NAA38: variants seen among roughly 807,000 people sequenced by gnomAD.
NAA38 encodes LSM domain containing 1.
A neutral mutation model predicts 12.6 loss-of-function variants in NAA38; 15 were observed. That is an observed-to-expected ratio of 1.19 (90% CI 0.79 to 1.83). The LOEUF is 1.83. Among genes scored for constraint, NAA38 ranks in the 40% most tolerant of loss-of-function variants. The probability of loss-of-function intolerance (pLI) is 0.00; values close to 1 mark genes in which losing one functional copy is unlikely to be tolerated. For missense variants in NAA38, 183 were observed against 171.7 expected (o/e 1.07, Z -0.37); for synonymous variants, 88 against 69.9 (o/e 1.26, Z -1.29).
upstream of NAA38, chr17:7,858,007 G>C (rs1238309888): frequency 9.9e-6 from 15 of 1,522,334 alleles, no homozygotes; most frequent in African/African-American, 2.8e-5. Context: ...AAGGACAATG[G>C]TTTCCATGTC....
At chr17:7,873,407 T>C (rs1426894004) in intron 2 of NAA38, among the ~76,000 whole-genome samples, 2 of 152,138 alleles carry the variant, frequency 1.3e-5, no homozygotes, top group Non-Finnish European at 2.9e-5. Flanking sequence ...GTTGGTAATT[T>C]GGTGAAAGCA....
chr17:7,864,260 A>G (rs1188011907), intron 3 of NAA38: 1 of 152,172 alleles, frequency 6.6e-6, no homozygotes, highest in Admixed American at 6.5e-5. Context: ...TATGCACCCC[A>G]AGTACTAGGT....
In NAA38 at chr17:7,857,538, C is replaced by CG; in HGVS notation, c.-76dup. The CG allele has an allele frequency of 6.9e-7, 1 of 1,453,620 alleles. No homozygotes were observed. Among genetic ancestry groups the CG allele is most frequent in the Admixed American group, 2.8e-5 (1 of 35,798 alleles). The allele number at this position is 1,453,620 out of a possible 1,614,324, so 90.0% of individuals were successfully genotyped here. The stretch of plus-strand genomic sequence containing the variant: ...GTTGGGTGGTCCGAGATCTCGCGAG[C>CG]GCTCCCGACCTCTTTCCTTTCGCGA... On this transcript the variant is annotated 5_prime_UTR_variant, in exon 1 of 3. Coordinates refer to ENST00000575771, the MANE Select transcript of NAA38 (RefSeq NM_001320925.4).
rs372123662 is a variant in NAA38, at chr17:7,857,442, T to C, written c.22A>G (p.Met8Val). 2.4e-5 allele frequency: 38 copies of C among 1,578,160 alleles called. No homozygotes were observed. Among genetic ancestry groups the C allele is most frequent in the Non-Finnish European group, 2.0e-5 (23 of 1,163,360 alleles). Residue 8 changes from methionine (M) to valine (V), a missense_variant, in exon 1 of 3, where the codon ATG becomes GTG. By Grantham distance (21) the Met-to-Val change is conservative. Coordinates refer to ENST00000575771, the MANE Select transcript of NAA38 (RefSeq NM_001320925.4). The stretch of plus-strand genomic sequence containing the variant: ...CAGCCATTCTCTTCTCGTAGCAGCA[T>C]GGTCGGTCCAGCTCCGGCCATTTGC... Reference protein sequence around the residue: MAGAGPTMLLREENGCCS... With the variant: MAGAGPTVLLREENGCCS...
Position 7,857,473 on chromosome 17 carries a change from G to T in NAA38, c.-10C>A. ...GTCCAGCTCCGGCCATTTGCCCGGA[G>T]GCCTCCTCTGGGCCTTTCAACTTCC... On this transcript the variant is annotated 5_prime_UTR_variant, in exon 1 of 3. Coordinates refer to ENST00000575771, the MANE Select transcript of NAA38 (RefSeq NM_001320925.4). 2.0e-6 allele frequency: 3 copies of T among 1,522,996 alleles called. No individual in the cohort carries two copies. The highest frequency in any genetic ancestry group is 2.6e-6 in the Non-Finnish European group (3 of 1,135,470). 94.3% of individuals were successfully genotyped at this position (1,522,996 alleles called of 1,614,324 possible). A position where few individuals can be genotyped will look rare whatever the true frequency, so the allele number is the denominator to read the frequency against.
At chr17:7,871,458 T>C (rs1192956577) in intron 2 of NAA38, among the ~76,000 whole-genome samples, 1 of 152,214 alleles carries the variant, frequency 6.6e-6, no homozygotes, top group African/African-American at 2.4e-5. Flanking sequence ...ATTTTTTTTC[T>C]ATTGGTCTTT....
At chr17:7,858,775 G>A (rs1213506849), upstream of NAA38, 2 of 1,584,428 alleles carry the variant, frequency 1.3e-6, no homozygotes, top group Admixed American at 3.6e-5. Context: ...GCCAAGACCC[G>A]GAGCATCCGC....
At position 7,872,939 on chromosome 17, in the gene NAA38, A is replaced by C. The variant is rs1203762901; in HGVS notation, c.-65-6381T>G. Among the ~76,000 whole-genome samples, 3 of 152,124 alleles carry C rather than the reference A, an allele frequency of 2.0e-5. No individual in the cohort carries two copies. The East Asian group carries it at 5.8e-4, about 29-fold the overall frequency. On this transcript the variant is annotated intron_variant, in intron 2 of 4. Transcript: ENST00000576861. ...GGGTGACAGGGCCCCTCCTCTCTGG[A>C]GCCTAATGAGAAAGATAAAGGATAA... is the stretch of plus-strand genomic sequence containing the variant.
chr17:7,866,355 G>A lies in NAA38; in HGVS notation c.3+136C>T, dbSNP rs529736806. ...GATCTCCTGACCTCGTGATCCGCCC[G>A]CCTCGGCCTCCCAGAGTGCTGGAAT... On this transcript the variant is annotated intron_variant, in intron 3 of 4. Coordinates refer to the NAA38 transcript ENST00000576861. The A allele has an allele frequency of 7.5e-5, 31 of 413,230 alleles. No homozygotes were observed. In the South Asian group the frequency reaches 1.6e-3, roughly 21 times the overall value. The allele number at this position is 413,230 out of a possible 1,614,324, so 25.6% of individuals were successfully genotyped here.
At chr17:7,882,950 G>A (rs1299834861) in intron 2 of NAA38, among the ~76,000 whole-genome samples, 1 of 152,182 alleles carries the variant, frequency 6.6e-6, no homozygotes, top group East Asian at 1.9e-4. Context: ...GGAAGCAAGG[G>A]AAGGGGCAAA....
At chr17:7,884,457 CATATATATATATATATATATGT>C (rs1185826859) in intron 1 of NAA38, among the ~76,000 whole-genome samples, 4 of 130,834 alleles carry the variant, frequency 3.1e-5, no homozygotes, top group African/African-American at 5.7e-5. Context: ...TATATATATA[CATATATATATATATATATATGT>C]ATATATATAT....
Position 7,864,180 on chromosome 17 carries a change from C to T in NAA38, c.3+2311G>A, listed in dbSNP as rs1487721445. The stretch of plus-strand genomic sequence containing the variant: ...TACACGGTTTGGCTGTAAGAATGCA[C>T]ACAGAATTAGAAACCTGACTGATCT... On this transcript the variant is annotated intron_variant, in intron 3 of 4. Transcript: ENST00000576861. 2.6e-5 allele frequency: 4 copies of T among 152,260 alleles called. No homozygotes were observed. In the East Asian group the frequency reaches 7.7e-4, roughly 29 times the overall value. 9.4% of individuals were successfully genotyped at this position (152,260 alleles called of 1,614,324 possible). A position where few individuals can be genotyped will look rare whatever the true frequency, so the allele number is the denominator to read the frequency against.
At chr17:7,885,307 C>CCCG (rs939052371), upstream of NAA38, 12,849 of 157,494 alleles carry the variant, frequency 0.082, 737 homozygotes, top group East Asian at 0.25. Context: ...GCACCCCTCC[C>CCCG]CCGCCGCCGC....
intron 3 of NAA38, chr17:7,866,231 T>G (rs1052944571): frequency 1.2e-5 from 3 of 249,596 alleles, no homozygotes; most frequent in African/African-American, 2.3e-5. Flanking sequence ...GGACTACAGA[T>G]GCCCGCCACC....
At chr17:7,857,818 G>A (rs150998226), upstream of NAA38, 3,553 of 1,339,858 alleles carry the variant, frequency 2.7e-3, 175 homozygotes, top group Admixed American at 0.087. Context: ...ATGTAGCCCA[G>A]GCCACTGAAT....
chr17:7,857,230 G>A (rs749056848), intron 1 of NAA38, 32 bp from the exon 2 acceptor site: 1 of 1,611,422 alleles, frequency 6.2e-7, no homozygotes, highest in Admixed American at 1.7e-5. Context: ...CTCAGACCGC[G>A]CAGCCCAGGC....
In NAA38 at chr17:7,884,893, CGAG is replaced by C. The variant is rs770383628; in HGVS notation, c.-167+269_-167+271del. The C allele has an allele frequency of 6.2e-3, 7,635 of 1,232,916 alleles. No homozygotes were observed. The highest frequency in any genetic ancestry group is 0.015 in the South Asian group (852 of 58,292). The allele number at this position is 1,232,916 out of a possible 1,614,324, so 76.4% of individuals were successfully genotyped here. A position where few individuals can be genotyped will look rare whatever the true frequency, so the allele number is the denominator to read the frequency against. ...AAGAAGAGGAGGAAGAAGAGGGCGA[CGAG>C]GAGGAGGAGGAGGAGGTGGAGGCGG... On this transcript the variant is annotated intron_variant, in intron 1 of 4. Coordinates refer to the NAA38 transcript ENST00000576861.
chr17:7,882,844 G>A (rs909166174), intron 2 of NAA38, among the ~76,000 whole-genome samples: 1 of 152,080 alleles, frequency 6.6e-6, no homozygotes, highest in Non-Finnish European at 1.5e-5. Context: ...TCCCTCTCAG[G>A]GTGCTCCTGA....
intron 2 of NAA38, among the ~76,000 whole-genome samples, chr17:7,880,698 A>G (rs1967256898): frequency 6.6e-6 from 1 of 152,204 alleles, no homozygotes; most frequent in Admixed American, 6.5e-5. Context: ...TTACTTATTA[A>G]CAGTGCCTAT....
Sources: gnomAD v4.1 joint callset for allele counts (sites outside exome capture counted in the v4.1 genomes callset) on GRCh38, gnomAD v4.1.1 for gene constraint, MANE v1.5 for transcripts, NCBI Gene and HGNC (gene_info 2026-07-23, HGNC 2026-07-21) for gene names.